The following LRP2 variants were observed in gnomAD, a reference collection of about 807,000 sequenced individuals.
LRP2 encodes the protein low-density lipoprotein receptor-related protein 2.
A neutral mutation model predicts 531.0 loss-of-function variants in LRP2; 172 were observed. The ratio of observed to expected loss-of-function variants is 0.32; its 90% confidence interval spans 0.29 to 0.37. The LOEUF (loss-of-function observed/expected upper bound fraction) is 0.37. LRP2 is among the 10% of genes least tolerant of loss of function. The probability of loss-of-function intolerance (pLI) is 1.00; values close to 1 mark genes in which losing one functional copy is unlikely to be tolerated. For missense variants in LRP2, 5,167 were observed against 5,868.3 expected, an observed-to-expected ratio of 0.88 and a Z score of 3.90; for synonymous variants, 1,992 against 2,027.6, an observed-to-expected ratio of 0.98 and a Z score of 0.47.
chr2:169,257,300 T>G (rs1359240608), intron 17 of LRP2, 51 bp from the exon 18 acceptor site: 4 of 1,590,518 alleles, frequency 2.5e-6, no homozygotes, highest in Non-Finnish European at 2.6e-6. Context: ...ACAAACTACA[T>G]GACTTCCAGA....
At position 169,174,132 on chromosome 2, in the gene LRP2, A is replaced by G. The variant is rs1687102215; in HGVS notation, c.10801T>C (p.Cys3601Arg). 3.5e-5 allele frequency: 56 copies of G among 1,614,224 alleles called. No individual in the cohort carries two copies. The highest frequency in any genetic ancestry group is 4.7e-5 in the Non-Finnish European group (56 of 1,180,030). ...TCTGGGATGCAACGTTTGTTGGCGC[A>G]CTGCCATTCATTGGAGTCACAGTGG... Reference protein sequence around the residue: ...NHHCDSNEWQCANKRCIPESW... With the variant: ...NHHCDSNEWQRANKRCIPESW... Residue 3601 changes from cysteine to arginine, a missense_variant, in exon 56 of 79, where the codon TGC becomes CGC. Coordinates refer to ENST00000649046, the MANE Select transcript of LRP2 (RefSeq NM_004525.3).
intron 14 of LRP2, among the ~76,000 whole-genome samples, chr2:169,273,551 G>C (rs1388166847): frequency 6.6e-6 from 1 of 152,066 alleles, no homozygotes; most frequent in Non-Finnish European, 1.5e-5. Flanking sequence ...TAAATAACTT[G>C]CCCAACATTA....
intron 34 of LRP2, among the ~76,000 whole-genome samples, chr2:169,217,753 C>A (rs1688851291): frequency 6.6e-6 from 1 of 152,142 alleles, no homozygotes; most frequent in Non-Finnish European, 1.5e-5. Context: ...TATTTCAAGT[C>A]ATTCTACTTC....
chr2:169,267,128 A>C (rs1218550346), intron 16 of LRP2, among the ~76,000 whole-genome samples: 1 of 151,690 alleles, frequency 6.6e-6, no homozygotes, highest in East Asian at 1.9e-4. Flanking sequence ...GGCCTCAAGC[A>C]ATCCTCCCGT....
intron 36 of LRP2, 76 bp downstream of exon 36, chr2:169,213,579 GGT>G (rs1233676001): frequency 9.0e-7 from 1 of 1,106,720 alleles, no homozygotes; most frequent in African/African-American, 1.5e-5. Flanking sequence ...ACTGTGTGTG[GGT>G]GTGTGCTTAC....
chr2:169,289,660 A>T (rs1029950466), intron 8 of LRP2, among the ~76,000 whole-genome samples: 1 of 152,194 alleles, frequency 6.6e-6, no homozygotes, highest in Non-Finnish European at 1.5e-5. Context: ...CAGGTCATGC[A>T]TGGGTCTATC....
chr2:169,140,528 T>C lies in LRP2; in HGVS notation c.13126A>G (p.Asn4376Asp), dbSNP rs1013231481. The change falls in exon 72 of 79, where the codon AAC becomes GAC. Residue 4376 changes from asparagine (N) to aspartate (D), a missense_variant. Transcript: ENST00000649046. ...ATGCACCTGCATGGGGGGGGCAGGT[T>C]GATAGGCAGTTCGATGGCTGCAGGA... ...ECDAAIELPI[N>D]LPPPCRCMHG... 3 of 1,613,756 alleles carry C rather than the reference T, an allele frequency of 1.9e-6. No individual in the cohort carries two copies. The highest frequency in any genetic ancestry group is 2.7e-5 in the African/African-American group (2 of 74,884).
chr2:169,341,477 A>C (rs998561164), intron 1 of LRP2, among the ~76,000 whole-genome samples: 3 of 152,230 alleles, frequency 2.0e-5, no homozygotes, highest in Non-Finnish European at 4.4e-5. Context: ...AAGGCATCCT[A>C]ATTTTAAAAA....
rs779127917 is a variant in LRP2 at position 169,206,821 on chromosome 2, A to T, written c.6899T>A (p.Ile2300Asn). 6 of 1,614,180 alleles carry T rather than the reference A, an allele frequency of 3.7e-6. No homozygotes were observed. The highest frequency in any genetic ancestry group is 2.5e-6 in the Non-Finnish European group (3 of 1,180,026). Residue 2300 changes from isoleucine (I) to asparagine (N), a missense_variant, in exon 39 of 79, where the codon ATC (isoleucine) becomes AAC (asparagine). Ile to Asn is a moderately radical substitution (Grantham distance 149, BLOSUM62 -3). This residue lies in a region of LRP2 where 2,811 missense variants were observed against 3,058.0 expected (regional missense o/e 0.92). Transcript: ENST00000649046. ...IIWVDRNLKK[I>N]FQASKEPENT... ...CTCTGGTTCCTTGCTGGCTTGGAAGATCTTTTTCAAATTCCTATCTACCCA... is the reference window on the plus strand; with the variant it reads ...CTCTGGTTCCTTGCTGGCTTGGAAGTTCTTTTTCAAATTCCTATCTACCCA...
intron 69 of LRP2, among the ~76,000 whole-genome samples, 158 bp downstream of exon 69, chr2:169,146,581 A>G (rs1400686576): frequency 6.6e-6 from 1 of 152,176 alleles, no homozygotes; most frequent in East Asian, 1.9e-4. Flanking sequence ...TCTGCATTTA[A>G]TTCAGCAGGT....
At chr2:169,281,290 C>T (rs1319615423) in intron 10 of LRP2, among the ~76,000 whole-genome samples, 5 of 152,068 alleles carry the variant, frequency 3.3e-5, no homozygotes, top group African/African-American at 4.8e-5. Context: ...GGCATGGTGG[C>T]GGGGGCCTGT....
chr2:169,308,655 C>A (rs1413056341), intron 3 of LRP2, among the ~76,000 whole-genome samples: 1 of 152,186 alleles, frequency 6.6e-6, no homozygotes, highest in Admixed American at 6.5e-5. Context: ...CAAGTCTTTG[C>A]TATTGTGAAT....
At chr2:169,293,761 G>C (rs570921901) in intron 6 of LRP2, among the ~76,000 whole-genome samples, 1 of 152,304 alleles carries the variant, frequency 6.6e-6, no homozygotes, top group East Asian at 1.9e-4. Context: ...GAGAGTTAGA[G>C]CCACTCCTAG....
Position 169,296,075 on chromosome 2 carries a change from GT to G in LRP2, c.428-1366del, listed in dbSNP as rs145897205. Among the ~76,000 whole-genome samples, 827 of 152,104 alleles carry G rather than the reference GT, an allele frequency of 5.4e-3. 5 individuals are homozygous for G. The highest frequency in any genetic ancestry group is 0.018 in the African/African-American group (741 of 41,506). Reference sequence around the variant, plus strand: ...AAGCAGAAGCCATGCACAAAATTCTGTGCTGAAACTGTACTAAACTTGTGCC... The same window carrying G: ...AAGCAGAAGCCATGCACAAAATTCTGGCTGAAACTGTACTAAACTTGTGCC... On this transcript the variant is annotated intron_variant, in intron 4 of 78. Transcript: ENST00000649046.
intron 31 of LRP2, among the ~76,000 whole-genome samples, chr2:169,227,447 T>A (rs566542652): frequency 6.6e-6 from 1 of 152,232 alleles, no homozygotes; most frequent in African/African-American, 2.4e-5. Context: ...TTTTCAAAAA[T>A]AATTTAATCT....
Position 169,154,557 on chromosome 2 carries a change from T to C in LRP2, c.12198A>G (p.Lys4066=), listed in dbSNP as rs1686263643. ...LLLPDNVRIR[K]YNLSSERFSE... Reference sequence around the variant, plus strand: ...AGAACCTCTCAGATGAGAGATTATATTTTCGAATTCGGACATTGTCAGGCA... The same window carrying C: ...AGAACCTCTCAGATGAGAGATTATACTTTCGAATTCGGACATTGTCAGGCA... Residue 4066 remains lysine, a synonymous_variant, in exon 66 of 79, where the codon AAA becomes AAG. Transcript: ENST00000649046. 1 of 1,613,554 alleles carries C rather than the reference T, an allele frequency of 6.2e-7. No homozygotes were observed. Among genetic ancestry groups the C allele is most frequent in the Middle Eastern group, 1.7e-4 (1 of 6,058 alleles).
intron 16 of LRP2, among the ~76,000 whole-genome samples, chr2:169,265,095 C>A (rs1690744463): frequency 6.6e-6 from 1 of 151,760 alleles, no homozygotes; most frequent in African/African-American, 2.4e-5. Flanking sequence ...AATTAATCAC[C>A]CCCAGAACAG....
intron 2 of LRP2, among the ~76,000 whole-genome samples, chr2:169,319,270 C>A (rs903044638): frequency 9.9e-5 from 15 of 152,144 alleles, no homozygotes; most frequent in African/African-American, 3.4e-4. Context: ...CTGGAAAATT[C>A]ATGAGATTTG....
chr2:169,224,769 A>C (rs1255204370), intron 33 of LRP2, among the ~76,000 whole-genome samples: 1 of 152,220 alleles, frequency 6.6e-6, no homozygotes, highest in Non-Finnish European at 1.5e-5. Flanking sequence ...GGAGGAAACA[A>C]AATAGAGCAA....
Sources: allele counts gnomAD v4.1 joint callset (sites outside exome capture counted in the v4.1 genomes callset), GRCh38; gene constraint gnomAD v4.1.1; regional missense constraint gnomAD v4.1.1; transcripts MANE v1.5; gene names NCBI Gene and HGNC (gene_info 2026-07-23, HGNC 2026-07-21).